Variants in TOX observed in about 807,000 individuals in gnomAD.
The protein encoded by TOX is thymocyte selection-associated high mobility group box protein TOX.
TOX carries 11 observed loss-of-function variants against 53.7 expected under a neutral mutation model. That is an observed-to-expected ratio of 0.20 (90% confidence interval 0.13 to 0.34). TOX has a LOEUF of 0.34. Ranked by LOEUF, TOX falls within the 10% of genes least tolerant of loss-of-function variation. The pLI, the probability that TOX is intolerant of heterozygous loss-of-function variation, is 1.00. For missense variants in TOX, 570 were observed against 664.6 expected (o/e 0.86, Z 1.56); for synonymous variants, 225 against 245.3 (o/e 0.92, Z 0.77).
chr8:58,987,553 T>G lies in TOX; in HGVS notation c.103-27545A>C, dbSNP rs1392549022. Among the ~76,000 whole-genome samples the G allele has an allele frequency of 2.0e-5, 3 of 152,190 alleles. No homozygotes were observed. In the East Asian group the frequency reaches 5.8e-4, roughly 29 times the overall value. ...AAGTAGAATATAAAATAAATGGAAGTACTAATTCTGATTGGAGCCGGAAGA... is the reference window on the plus strand; with the variant it reads ...AAGTAGAATATAAAATAAATGGAAGGACTAATTCTGATTGGAGCCGGAAGA... On this transcript the variant is annotated intron_variant, in intron 1 of 8. Transcript: ENST00000361421.
In TOX at chr8:58,851,815, A is replaced by G. The variant is rs1417109837; in HGVS notation, c.412-10T>C. 17 of 1,162,404 alleles carry G rather than the reference A, an allele frequency of 1.5e-5. 1 individual carries two copies. The highest frequency in any genetic ancestry group is 3.4e-4 in the Middle Eastern group (1 of 2,984). The allele number at this position is 1,162,404 out of a possible 1,614,324, so 72.0% of individuals were successfully genotyped here. ...TTCGTATATCTGGCATCTACAATAA[A>G]TAAATAAATAAATAAATAAATAAAT... On this transcript the variant is annotated splice_polypyrimidine_tract_variant and intron_variant, in intron 3 of 8. Coordinates refer to ENST00000361421, the MANE Select transcript of TOX (RefSeq NM_014729.3). This position sits in a 1 kb window ranked among gnomAD's most constrained non-coding sequence, Gnocchi z 4.4.
At chr8:59,062,585 T>G (rs114405805) in intron 1 of TOX, among the ~76,000 whole-genome samples, 1,668 of 152,334 alleles carry the variant, frequency 0.011, 22 homozygotes, top group African/African-American at 0.038. Context: ...AATGATGAAC[T>G]GTTCTAAGCA....
At chr8:59,065,728 A>G (rs1420274620) in intron 1 of TOX, among the ~76,000 whole-genome samples, 1 of 152,176 alleles carries the variant, frequency 6.6e-6, no homozygotes, top group Non-Finnish European at 1.5e-5. Flanking sequence ...AAAAAAAGAG[A>G]AAATAGTGTA....
chr8:59,115,727 A>G (rs1330411640), intron 1 of TOX, among the ~76,000 whole-genome samples: 1 of 152,158 alleles, frequency 6.6e-6, no homozygotes, highest in Admixed American at 6.5e-5. Context: ...TGACCTATAT[A>G]CAGCAACATG....
At chr8:58,975,280 AG>A (rs1813075896) in intron 1 of TOX, among the ~76,000 whole-genome samples, 1 of 151,924 alleles carries the variant, frequency 6.6e-6, no homozygotes. Context: ...ACAGAGAGAG[AG>A]AGAGAGAGGG....
At chr8:58,989,949 T>C (rs1241731677) in intron 1 of TOX, among the ~76,000 whole-genome samples, 3 of 152,128 alleles carry the variant, frequency 2.0e-5, no homozygotes. Flanking sequence ...ACAGGTTGGG[T>C]CAATCGGAAT....
At chr8:58,959,747 T>A in intron 2 of TOX, among the ~76,000 whole-genome samples, 196 bp downstream of exon 2, 1 of 152,348 alleles carries the variant, frequency 6.6e-6, no homozygotes, top group East Asian at 1.9e-4. Flanking sequence ...CAAGGTAGTA[T>A]CTTTCAACAA....
intron 5 of TOX, among the ~76,000 whole-genome samples, chr8:58,835,736 G>T (rs1358140451): frequency 6.6e-6 from 1 of 152,138 alleles, no homozygotes; most frequent in Non-Finnish European, 1.5e-5. Flanking sequence ...TCCCTCTTTA[G>T]AAATCACTGC....
intron 1 of TOX, 70 bp from the exon 2 acceptor site, chr8:58,960,078 T>C: frequency 6.4e-7 from 1 of 1,558,652 alleles, no homozygotes; most frequent in Non-Finnish European, 8.8e-7. Context: ...ATTTGTTTTG[T>C]TTTGTTTTTT....
At chr8:58,909,290 C>G (rs1384664671) in intron 3 of TOX, among the ~76,000 whole-genome samples, 2 of 152,068 alleles carry the variant, frequency 1.3e-5, no homozygotes. Context: ...AGCAAACCAC[C>G]ATAGCACACA....
intron 3 of TOX, among the ~76,000 whole-genome samples, chr8:58,910,000 G>A (rs1811883432): frequency 6.6e-6 from 1 of 151,976 alleles, no homozygotes; most frequent in African/African-American, 2.4e-5. Flanking sequence ...TGCCCATCAG[G>A]GAGCAGATCA....
chr8:59,087,792 T>C (rs1428195323), intron 1 of TOX, among the ~76,000 whole-genome samples: 1 of 152,234 alleles, frequency 6.6e-6, no homozygotes, highest in Non-Finnish European at 1.5e-5. Flanking sequence ...CCACATGCCT[T>C]CCCAGTTATG....
intron 3 of TOX, among the ~76,000 whole-genome samples, chr8:58,865,867 C>CTTTTTTT (rs1563373948): frequency 3.6e-5 from 2 of 55,778 alleles, no homozygotes; most frequent in African/African-American, 7.9e-5. Context: ...CAGAGTCTCA[C>CTTTTTTT]TCTGTCGTCC....
At chr8:59,096,968 T>C (rs986293965) in intron 1 of TOX, among the ~76,000 whole-genome samples, 7 of 152,178 alleles carry the variant, frequency 4.6e-5, no homozygotes, top group Admixed American at 3.9e-4. Flanking sequence ...TCTAAGTGCA[T>C]TGCTGGAAAC....
At chr8:58,854,752 A>T (rs77015172) in intron 3 of TOX, among the ~76,000 whole-genome samples, 2 of 152,174 alleles carry the variant, frequency 1.3e-5, no homozygotes, top group Admixed American at 1.3e-4. Context: ...CTGTGTCTTC[A>T]GTCCTCAGAT....
At chr8:59,067,977 T>C (rs1804124541) in intron 1 of TOX, among the ~76,000 whole-genome samples, 1 of 152,210 alleles carries the variant, frequency 6.6e-6, no homozygotes. Flanking sequence ...AAATAAGTAA[T>C]CTATGTGAAT....
chr8:59,006,947 T>G (rs1813800491), intron 1 of TOX, among the ~76,000 whole-genome samples: 1 of 152,232 alleles, frequency 6.6e-6, no homozygotes, highest in Non-Finnish European at 1.5e-5. Context: ...TTCCTTCTTT[T>G]CTTAACTTCC....
intron 1 of TOX, among the ~76,000 whole-genome samples, chr8:59,114,687 T>C (rs371280489): frequency 7.2e-4 from 109 of 152,310 alleles, no homozygotes; most frequent in Middle Eastern, 3.4e-3. Context: ...CTTCTTTACC[T>C]TCTTTCTTCC....
intron 1 of TOX, among the ~76,000 whole-genome samples, chr8:58,995,008 C>G (rs1435066777): frequency 6.6e-6 from 1 of 152,178 alleles, no homozygotes; most frequent in Non-Finnish European, 1.5e-5. Flanking sequence ...AGTGTTCACG[C>G]AGCAGTCTGC....
Sources: allele counts gnomAD v4.1 joint callset (sites outside exome capture counted in the v4.1 genomes callset), GRCh38; gene constraint gnomAD v4.1.1; non-coding constraint Gnocchi (gnomAD v3.1); transcripts MANE v1.5; gene names NCBI Gene and HGNC (gene_info 2026-07-23, HGNC 2026-07-21).